Variants in EYA4 observed in about 807,000 individuals in gnomAD.
EYA4 encodes the protein EYA transcriptional coactivator and phosphatase 4, also known as protein phosphatase EYA4.
EYA4 carries 31 observed loss-of-function variants against 87.9 expected under a neutral mutation model. That is an observed-to-expected ratio of 0.35 (90% confidence interval 0.27 to 0.48). The LOEUF (loss-of-function observed/expected upper bound fraction) is 0.48. EYA4 is among the 20% of genes least tolerant of loss of function. EYA4 has a pLI of 0.99. For missense variants in EYA4, 678 were observed against 761.4 expected (o/e 0.89, Z 1.29); for synonymous variants, 263 against 270.6 (o/e 0.97, Z 0.28).
intron 14 of EYA4, among the ~76,000 whole-genome samples, chr6:133,507,596 A>C (rs147016881): frequency 6.6e-6 from 1 of 151,308 alleles, no homozygotes; most frequent in African/African-American, 2.4e-5. Context: ...TCATTATTCA[A>C]CTCCCACTTA....
At chr6:133,504,335 G>T (rs186912428) in intron 13 of EYA4, among the ~76,000 whole-genome samples, 189 of 152,282 alleles carry the variant, frequency 1.2e-3, no homozygotes, top group African/African-American at 4.2e-3. Context: ...GGATGAATCC[G>T]GCAGCACAGT....
intron 14 of EYA4, chr6:133,510,497 C>A: frequency 5.9e-6 from 2 of 336,364 alleles, no homozygotes; most frequent in East Asian, 7.8e-5. Flanking sequence ...ATTTCCAACC[C>A]TTATGCTAAT....
chr6:133,434,611 T>A (rs1791486691), intron 3 of EYA4, among the ~76,000 whole-genome samples: 1 of 152,214 alleles, frequency 6.6e-6, no homozygotes, highest in Admixed American at 6.5e-5. Context: ...GTAGAGACTC[T>A]TAACACTGCT....
At chr6:133,385,389 C>CTGTGTGTGTG (rs1189948869) in intron 3 of EYA4, among the ~76,000 whole-genome samples, 32 of 64,928 alleles carry the variant, frequency 4.9e-4, no homozygotes, top group African/African-American at 1.0e-3. Flanking sequence ...TGTATGCTCT[C>CTGTGTGTGTG]TCTGTGTGTG....
At chr6:133,244,000 A>G (rs1425308127) in intron 1 of EYA4, among the ~76,000 whole-genome samples, 2 of 152,222 alleles carry the variant, frequency 1.3e-5, no homozygotes, top group Admixed American at 6.5e-5. Flanking sequence ...AAGTCATTCA[A>G]AGTTAAACCC....
chr6:133,367,691 G>A (rs911274030), intron 2 of EYA4, among the ~76,000 whole-genome samples: 1 of 152,024 alleles, frequency 6.6e-6, no homozygotes, highest in Admixed American at 6.6e-5. Context: ...TTAAAACAAG[G>A]GAAATTAAGA....
At position 133,343,649 on chromosome 6, in the gene EYA4, G is replaced by A. The variant is rs1025987247; in HGVS notation, c.34-38743G>A. The stretch of plus-strand genomic sequence containing the variant: ...TTTTTCGGCGTCCTTACCTTGATAA[G>A]CTTAACAAAGACTAATAATAACAAA... On this transcript the variant is annotated intron_variant, in intron 2 of 19. Coordinates refer to ENST00000355286, the MANE Select transcript of EYA4 (RefSeq NM_004100.5). Among the ~76,000 whole-genome samples, 4 of 147,752 alleles carry A rather than the reference G, an allele frequency of 2.7e-5. No homozygotes were observed. The South Asian group carries it at 8.7e-4, about 32-fold the overall frequency.
At chr6:133,355,243 A>G (rs1294793021) in intron 2 of EYA4, among the ~76,000 whole-genome samples, 2 of 151,688 alleles carry the variant, frequency 1.3e-5, no homozygotes. Flanking sequence ...CCCTCCTGCC[A>G]CCCTCCACCC....
At chr6:133,284,009 G>C (rs1777834629) in intron 2 of EYA4, among the ~76,000 whole-genome samples, 1 of 152,150 alleles carries the variant, frequency 6.6e-6, no homozygotes, top group Non-Finnish European at 1.5e-5. Flanking sequence ...TACTGCTAAA[G>C]ACACGATTTC....
chr6:133,253,025 T>G (rs957193373), intron 1 of EYA4, among the ~76,000 whole-genome samples: 12 of 151,824 alleles, frequency 7.9e-5, no homozygotes, highest in African/African-American at 2.9e-4. Context: ...TGATTTGTGC[T>G]TTAATTTTGA....
chr6:133,299,955 C>CTATCTATCTA (rs1554220543), intron 2 of EYA4, among the ~76,000 whole-genome samples: 6 of 106,208 alleles, frequency 5.6e-5, no homozygotes, highest in African/African-American at 2.0e-4. Flanking sequence ...ATCTATCTAT[C>CTATCTATCTA]TATATATATA....
chr6:133,494,082 C>T (rs1202104045), intron 13 of EYA4, among the ~76,000 whole-genome samples: 6 of 152,054 alleles, frequency 3.9e-5, no homozygotes, highest in East Asian at 3.9e-4. Flanking sequence ...GGTATATACC[C>T]GACAGAAAGG....
intron 3 of EYA4, among the ~76,000 whole-genome samples, chr6:133,413,949 T>C (rs910878383): frequency 6.6e-6 from 1 of 152,204 alleles, no homozygotes; most frequent in African/African-American, 2.4e-5. Context: ...TTTTTCATGC[T>C]CTCTCCTCGT....
At chr6:133,426,586 A>G (rs1790692921) in intron 3 of EYA4, among the ~76,000 whole-genome samples, 2 of 152,154 alleles carry the variant, frequency 1.3e-5, no homozygotes, top group African/African-American at 4.8e-5. Context: ...TAATTATGTT[A>G]TTTCCCCATT....
At chr6:133,501,817 G>A (rs1363273846) in intron 13 of EYA4, among the ~76,000 whole-genome samples, 2 of 152,178 alleles carry the variant, frequency 1.3e-5, no homozygotes, top group Admixed American at 1.3e-4. Flanking sequence ...TTTTTACAGT[G>A]TGTCCCTAGA....
chr6:133,367,305 C>T (rs757554708), intron 2 of EYA4, among the ~76,000 whole-genome samples: 2 of 152,210 alleles, frequency 1.3e-5, no homozygotes, highest in Non-Finnish European at 2.9e-5. Flanking sequence ...AGTATGTAAG[C>T]AGCTTCCTTG....
At chr6:133,317,674 T>G (rs1441713122) in intron 2 of EYA4, among the ~76,000 whole-genome samples, 1 of 152,202 alleles carries the variant, frequency 6.6e-6, no homozygotes, top group Non-Finnish European at 1.5e-5. Flanking sequence ...AAACAAGTTA[T>G]GTCTTCTCTT....
intron 3 of EYA4, among the ~76,000 whole-genome samples, chr6:133,437,300 T>G (rs1791779890): frequency 6.6e-6 from 1 of 152,204 alleles, no homozygotes; most frequent in Non-Finnish European, 1.5e-5. Flanking sequence ...TTCAGGGATA[T>G]GCATTCCTGA....
chr6:133,500,508 C>G (rs546569923), intron 13 of EYA4, among the ~76,000 whole-genome samples: 1 of 152,134 alleles, frequency 6.6e-6, no homozygotes, highest in Non-Finnish European at 1.5e-5. Context: ...TGAACTCTTC[C>G]TATTGGAGGT....
Sources: gnomAD v4.1 joint callset for allele counts (sites outside exome capture counted in the v4.1 genomes callset) on GRCh38, gnomAD v4.1.1 for gene constraint, MANE v1.5 for transcripts, NCBI Gene and HGNC (gene_info 2026-07-23, HGNC 2026-07-21) for gene names.